The following SHISA7 variants were observed in gnomAD, a reference collection of about 807,000 sequenced individuals.
SHISA7 encodes the protein protein shisa-7.
Under a neutral mutation model 23.9 loss-of-function variants are expected in SHISA7, and 6 were observed. The observed-to-expected ratio is 0.25, with a 90% CI of 0.14 to 0.50. The LOEUF (loss-of-function observed/expected upper bound fraction) is 0.50, where lower values mean the gene tolerates loss of function less well. Ranked by LOEUF, SHISA7 falls within the 20% of genes least tolerant of loss-of-function variation. The pLI, the probability that SHISA7 is intolerant of heterozygous loss-of-function variation, is 0.98. For missense variants in SHISA7, 671 were observed against 801.1 expected, an observed-to-expected ratio of 0.84 and a Z score of 1.96; for synonymous variants, 386 against 398.3, an observed-to-expected ratio of 0.97 and a Z score of 0.37.
chr19:55,441,200 A>T (rs1225129679), intron 1 of SHISA7, among the ~76,000 whole-genome samples: 7 of 151,878 alleles, frequency 4.6e-5, no homozygotes, highest in Admixed American at 3.3e-4. Context: ...AACCTCCAAA[A>T]CATATCCCAA....
Position 55,432,868 on chromosome 19 carries a change from G to T in SHISA7, c.*288C>A. The T allele has an allele frequency of 5.0e-6, 2 of 400,984 alleles. No homozygotes were observed. The highest frequency in any genetic ancestry group is 8.9e-6 in the Non-Finnish European group (2 of 223,598). The allele number at this position is 400,984 out of a possible 1,614,324, so 24.8% of individuals were successfully genotyped here. ...TCTGTGATGACCTCATGGGAACGAG[G>T]CTTTGTCCCTGTGATGACATCACAG... On this transcript the variant is annotated 3_prime_UTR_variant, in exon 4 of 4. Transcript: ENST00000376325. The surrounding 1 kb of genome is among the most constrained non-coding windows in gnomAD (Gnocchi z 4.6).
Position 55,433,723 on chromosome 19 carries a change from G to A in SHISA7, c.1050C>T (p.His350=), listed in dbSNP as rs1232520521. 3 of 1,474,092 alleles carry A rather than the reference G, an allele frequency of 2.0e-6. No individual in the cohort carries two copies. Among genetic ancestry groups the A allele is most frequent in the Admixed American group, 4.9e-5 (2 of 40,868 alleles). 91.3% of individuals were successfully genotyped at this position (1,474,092 alleles called of 1,614,324 possible). A position where few individuals can be genotyped will look rare whatever the true frequency, so the allele number is the denominator to read the frequency against. ...CCCCCGTGCCCGGCCGCCGCAGCGC[G>A]TGCAGGGGCAGCGTGCCGCGGGGCA... ...LELPRGTLPL[H]ALRRPGTGGG... The change falls in exon 4 of 4, where the codon CAC becomes CAT. Residue 350 remains histidine, a synonymous_variant. Transcript: ENST00000376325. The surrounding 1 kb of genome is among the most constrained non-coding windows in gnomAD (Gnocchi z 8.4).
chr19:55,441,453 T>G lies in SHISA7; in HGVS notation c.672-688A>C, dbSNP rs116990970. The stretch of plus-strand genomic sequence containing the variant: ...CCTCCTGCTGCCCACCGCCGCCAGC[T>G]GCACGGGCGCTTCCCTGCCCTGCAG... On this transcript the variant is annotated intron_variant, in intron 1 of 3. Transcript: ENST00000376325. Among the ~76,000 whole-genome samples, 905 of 152,324 alleles carry G rather than the reference T, an allele frequency of 5.9e-3. 3 individuals are homozygous for G. The highest frequency in any genetic ancestry group is 0.018 in the African/African-American group (761 of 41,584).
At chr19:55,436,543 C>A (rs1241557711) in intron 3 of SHISA7, among the ~76,000 whole-genome samples, 2 of 150,556 alleles carry the variant, frequency 1.3e-5, no homozygotes, top group African/African-American at 2.5e-5. Context: ...GCGGAGATTG[C>A]AGTGAGCCAA....
At chr19:55,437,891 C>G in intron 2 of SHISA7, 137 bp from the exon 3 acceptor site, 1 of 1,080,556 alleles carries the variant, frequency 9.3e-7, no homozygotes, top group Non-Finnish European at 1.3e-6. Flanking sequence ...GGAGTGCAGG[C>G]CCCCAGCCCC....
chr19:55,440,810 G>A, intron 1 of SHISA7, 45 bp from the exon 2 acceptor site: 1 of 1,234,616 alleles, frequency 8.1e-7, no homozygotes. Flanking sequence ...GGCTGAGGGT[G>A]GCAGGGGTAC....
intron 3 of SHISA7, among the ~76,000 whole-genome samples, chr19:55,436,102 C>A (rs1373174202): frequency 6.6e-6 from 1 of 151,870 alleles, no homozygotes; most frequent in Admixed American, 6.6e-5. Context: ...GCCTGACCAA[C>A]ATGGTGAAAC....
Position 55,433,280 on chromosome 19 carries a change from C to T in SHISA7, c.1493G>A (p.Gly498Glu). Reference protein sequence around the residue: ...PAWMSDAGGGGGTLARRPPFQ... With the variant: ...PAWMSDAGGGEGTLARRPPFQ... ...GGGCGGCCTGCGGGCCAGTGTGCCC[C>T]CGCCCCCGCCGGCGTCGGACATCCA... The change falls in exon 4 of 4, where the codon GGG becomes GAG. Residue 498 changes from glycine (G) to glutamate (E), a missense_variant. Physicochemically the swap from Gly to Glu is moderately conservative, Grantham distance 98. Transcript: ENST00000376325. The surrounding 1 kb of genome is among the most constrained non-coding windows in gnomAD (Gnocchi z 8.4). 1 of 1,507,422 alleles carries T rather than the reference C, an allele frequency of 6.6e-7. No homozygotes were observed. Among genetic ancestry groups the T allele is most frequent in the South Asian group, 1.2e-5 (1 of 81,506 alleles). 93.4% of individuals were successfully genotyped at this position (1,507,422 alleles called of 1,614,324 possible).
Position 55,434,850 on chromosome 19 carries a change from C to T in SHISA7, c.977-1054G>A, listed in dbSNP as rs1161306956. ...GTGTGTGGTGTGTGGTGTGTGTGTG[C>T]GTGTGTGTATATGTGGTGTGTGTGG... On this transcript the variant is annotated intron_variant, in intron 3 of 3. Coordinates refer to ENST00000376325, the MANE Select transcript of SHISA7 (RefSeq NM_001145176.2). Among the ~76,000 whole-genome samples the T allele has an allele frequency of 9.3e-3, 324 of 35,016 alleles. 3 individuals are homozygous for T. The highest frequency in any genetic ancestry group is 0.016 in the Admixed American group (54 of 3,440). 23.0% of individuals were successfully genotyped at this position (35,016 alleles called of 152,430 possible).
At chr19:55,434,850 CGT>C (rs764977534) in intron 3 of SHISA7, among the ~76,000 whole-genome samples, 811 of 35,028 alleles carry the variant, frequency 0.023, 40 homozygotes, top group African/African-American at 0.07. Flanking sequence ...TGTGTGTGTG[CGT>C]GTGTGTATAT....
intron 2 of SHISA7, among the ~76,000 whole-genome samples, chr19:55,439,187 C>T (rs1314659856): frequency 6.6e-6 from 1 of 152,320 alleles, no homozygotes; most frequent in Middle Eastern, 3.4e-3. Flanking sequence ...AGCCCCATCT[C>T]CCATCCCTTC....
rs1422106678 is a variant in SHISA7, at chr19:55,429,494, C to T, written c.*3662G>A. On this transcript the variant is annotated 3_prime_UTR_variant, in exon 4 of 4. Transcript: ENST00000376325. Reference sequence around the variant, plus strand: ...AGGGCCCAGGTGGATTTGGGTAACCCCCATTTCCTCAGTGTGGTGGGAACC... The same window carrying T: ...AGGGCCCAGGTGGATTTGGGTAACCTCCATTTCCTCAGTGTGGTGGGAACC... 1 of 152,304 alleles carries T rather than the reference C, an allele frequency of 6.6e-6. No homozygotes were observed. Among genetic ancestry groups the T allele is most frequent in the South Asian group, 2.1e-4 (1 of 4,828 alleles). 9.4% of individuals were successfully genotyped at this position (152,304 alleles called of 1,614,324 possible).
In SHISA7 at chr19:55,433,398, C is replaced by G. The variant is rs1336491525; in HGVS notation, c.1375G>C (p.Gly459Arg). ...CCGCGCAGCGGTGTTGGGGGCCCCC[C>G]GGGCCCCAGCAGCAGGTTGGAGTGC... ...ASHSNLLLGP[G>R]GPPTPLRGLP... The change falls in exon 4 of 4, where the codon GGG becomes CGG. Residue 459 changes from glycine (G) to arginine (R), a missense_variant. Around this residue, in one of 5 missense-constraint regions of SHISA7, gnomAD observed 457 missense variants for 488.3 expected, o/e 0.94. Transcript: ENST00000376325. The surrounding 1 kb of genome is among the most constrained non-coding windows in gnomAD (Gnocchi z 8.4). 1.5e-6 allele frequency: 2 copies of G among 1,325,528 alleles called. No individual in the cohort carries two copies. Among genetic ancestry groups the G allele is most frequent in the Admixed American group, 4.2e-5 (1 of 23,814 alleles). 82.1% of individuals were successfully genotyped at this position (1,325,528 alleles called of 1,614,324 possible).
In SHISA7 at chr19:55,433,092, T is replaced by A. The variant is rs1395028326; in HGVS notation, c.*64A>T. The A allele has an allele frequency of 1.4e-6, 2 of 1,467,878 alleles. No homozygotes were observed. The highest frequency in any genetic ancestry group is 9.0e-7 in the Non-Finnish European group (1 of 1,116,686). 90.9% of individuals were successfully genotyped at this position (1,467,878 alleles called of 1,614,324 possible). A position where few individuals can be genotyped will look rare whatever the true frequency, so the allele number is the denominator to read the frequency against. On this transcript the variant is annotated 3_prime_UTR_variant, in exon 4 of 4. Transcript: ENST00000376325. This position sits in a 1 kb window ranked among gnomAD's most constrained non-coding sequence, Gnocchi z 8.4. ...GGCCCCTGGCATGTGTGCGCCTGTG[T>A]CGGGGGATCCAGGCTGGGACGGGGG...
chr19:55,442,887 G>C lies in SHISA7; in HGVS notation c.-24C>G, dbSNP rs1985630121. 1.6e-5 allele frequency: 21 copies of C among 1,314,232 alleles called. No individual in the cohort carries two copies. Among genetic ancestry groups the C allele is most frequent in the Non-Finnish European group, 1.8e-5 (19 of 1,035,370 alleles). The allele number at this position is 1,314,232 out of a possible 1,614,324, so 81.4% of individuals were successfully genotyped here. On this transcript the variant is annotated 5_prime_UTR_variant, in exon 1 of 4. Coordinates refer to ENST00000376325, the MANE Select transcript of SHISA7 (RefSeq NM_001145176.2). ...ATGGGGCTTGCAGGGGGTCGCACTG[G>C]GCCGCCAGGCTGCGGGGAGAACGAG...
chr19:55,441,974 G>A lies in SHISA7; in HGVS notation c.671+219C>T, dbSNP rs552119071. 6.6e-5 allele frequency among the ~76,000 whole-genome samples: 10 copies of A among 152,360 alleles called. 1 individual carries two copies. The South Asian group carries it at 2.1e-3, about 32-fold the overall frequency. ...AGAAATATGTGTCGAATGAATGAGA[G>A]TCTGGGCTTCTCCCTCTCCCTGCAT... On this transcript the variant is annotated intron_variant, in intron 1 of 3. Coordinates refer to ENST00000376325, the MANE Select transcript of SHISA7 (RefSeq NM_001145176.2).
chr19:55,435,409 TGTG>T (rs1359447810), intron 3 of SHISA7, among the ~76,000 whole-genome samples: 10 of 37,234 alleles, frequency 2.7e-4, no homozygotes, highest in African/African-American at 5.2e-4. Flanking sequence ...GGGTGTGTGT[TGTG>T]TGTGTGTGTG....
intron 1 of SHISA7, among the ~76,000 whole-genome samples, chr19:55,441,466 C>T (rs1985596870): frequency 6.6e-6 from 1 of 152,240 alleles, no homozygotes; most frequent in African/African-American, 2.4e-5. Context: ...ACGGGCGCTT[C>T]CCTGCCCTGC....
intron 1 of SHISA7, among the ~76,000 whole-genome samples, chr19:55,441,041 G>A (rs1985588538): frequency 1.3e-5 from 2 of 152,100 alleles, no homozygotes; most frequent in African/African-American, 2.4e-5. Flanking sequence ...GCCCCACCCT[G>A]AATCTGGGAC....
Sources: gnomAD v4.1 joint callset for allele counts (sites outside exome capture counted in the v4.1 genomes callset) on GRCh38, gnomAD v4.1.1 for gene constraint, gnomAD v4.1.1 regional missense constraint, Gnocchi (gnomAD v3.1) non-coding constraint, MANE v1.5 for transcripts, NCBI Gene and HGNC (gene_info 2026-07-23, HGNC 2026-07-21) for gene names.